The following SULF1 variants were observed in gnomAD, a reference collection of about 807,000 sequenced individuals.
SULF1 encodes extracellular sulfatase Sulf-1.
A neutral mutation model predicts 110.5 loss-of-function variants in SULF1; 46 were observed. That is an observed-to-expected ratio of 0.42 (90% CI 0.33 to 0.53). The LOEUF (loss-of-function observed/expected upper bound fraction) is 0.53. Among genes scored for constraint, SULF1 ranks in the 20% least tolerant of loss-of-function variants. The pLI, the probability that SULF1 is intolerant of heterozygous loss-of-function variation, is 0.12. For missense variants in SULF1, 941 were observed against 1,094.2 expected, an observed-to-expected ratio of 0.86 and a Z score of 1.98; for synonymous variants, 371 against 387.1, an observed-to-expected ratio of 0.96 and a Z score of 0.49.
chr8:69,525,653 G>A (rs905300419), intron 3 of SULF1, among the ~76,000 whole-genome samples: 2 of 152,216 alleles, frequency 1.3e-5, no homozygotes, highest in Non-Finnish European at 2.9e-5. Flanking sequence ...TATGCAGAGT[G>A]GATTTCGTGG....
At chr8:69,603,697 A>G (rs1808012473) in intron 12 of SULF1, 41 bp downstream of exon 12, 3 of 1,347,502 alleles carry the variant, frequency 2.2e-6, no homozygotes, top group African/African-American at 1.4e-5. Context: ...AACCAGTCCT[A>G]GTGGGCAGCT....
chr8:69,565,669 T>A (rs893189949), intron 5 of SULF1, among the ~76,000 whole-genome samples: 30 of 152,196 alleles, frequency 2.0e-4, no homozygotes, highest in African/African-American at 7.0e-4. Context: ...TTGCCAGAGT[T>A]ATCTTTCAAG....
intron 19 of SULF1, among the ~76,000 whole-genome samples, chr8:69,633,771 C>T (rs1271459253): frequency 6.6e-6 from 1 of 151,958 alleles, no homozygotes; most frequent in Admixed American, 6.6e-5. Context: ...CCCATCAACC[C>T]GTCATCTACG....
chr8:69,638,786 G>C lies in SULF1; in HGVS notation c.2479G>C (p.Val827Leu). Residue 827 changes from valine to leucine, a missense_variant, in exon 21 of 23, where the codon GTA (valine) becomes CTA (leucine). Around this residue, in one of 3 missense-constraint regions of SULF1, gnomAD observed 112 missense variants for 133.5 expected, o/e 0.84. Transcript: ENST00000402687. ...ACGAGGCATTTTGAATCAGCTACACGTACAACTAATGGAGCTCAGAAGCTG... is the reference window on the plus strand; with the variant it reads ...ACGAGGCATTTTGAATCAGCTACACCTACAACTAATGGAGCTCAGAAGCTG... ...VERGILNQLH[V>L]QLMELRSCQG... The C allele has an allele frequency of 6.2e-7, 1 of 1,614,066 alleles. No individual in the cohort carries two copies. The highest frequency in any genetic ancestry group is 2.2e-5 in the East Asian group (1 of 44,874).
At chr8:69,643,425 A>AC (rs1811641535) in intron 22 of SULF1, among the ~76,000 whole-genome samples, 1 of 152,230 alleles carries the variant, frequency 6.6e-6, no homozygotes, top group African/African-American at 2.4e-5. Flanking sequence ...AAAAAAAAAA[A>AC]AAACAAGTTT....
intron 22 of SULF1, among the ~76,000 whole-genome samples, chr8:69,652,938 T>C (rs1406672934): frequency 6.6e-6 from 1 of 152,248 alleles, no homozygotes; most frequent in Non-Finnish European, 1.5e-5. Context: ...TTTGCTCAAT[T>C]AAACTCTGTT....
chr8:69,646,113 T>G (rs1811891616), intron 22 of SULF1, among the ~76,000 whole-genome samples: 1 of 151,992 alleles, frequency 6.6e-6, no homozygotes, highest in Non-Finnish European at 1.5e-5. Context: ...GTCACCCTAG[T>G]TACATGCTAC....
chr8:69,555,313 T>C (rs976986943), intron 3 of SULF1, among the ~76,000 whole-genome samples: 1 of 152,146 alleles, frequency 6.6e-6, no homozygotes, highest in Admixed American at 6.5e-5. Flanking sequence ...TGTTTAGCCC[T>C]GCAAAGAAGT....
upstream of SULF1, among the ~76,000 whole-genome samples, chr8:69,492,501 A>G (rs1260621560): frequency 6.6e-6 from 1 of 152,072 alleles, no homozygotes; most frequent in African/African-American, 2.4e-5. Flanking sequence ...TCCAAATACC[A>G]CATCTTCCCA....
At chr8:69,493,453 AC>A in intron 1 of SULF1, among the ~76,000 whole-genome samples, 1 of 22,802 alleles carries the variant, frequency 4.4e-5, no homozygotes, top group East Asian at 3.1e-3. Flanking sequence ...AACACTACAC[AC>A]ACACACACAC....
chr8:69,539,847 A>G (rs1325118687), intron 3 of SULF1, among the ~76,000 whole-genome samples: 4 of 152,166 alleles, frequency 2.6e-5, no homozygotes, highest in Non-Finnish European at 5.9e-5. Flanking sequence ...AGACAGCTGC[A>G]GGTTCATGAG....
At chr8:69,620,962 A>T in intron 13 of SULF1, 73 bp from the exon 14 acceptor site, 1 of 1,331,490 alleles carries the variant, frequency 7.5e-7, no homozygotes. Context: ...AAAGAAAAAA[A>T]CTAAGGCAGC....
intron 22 of SULF1, among the ~76,000 whole-genome samples, chr8:69,656,952 G>A (rs868415652): frequency 6.6e-6 from 1 of 152,160 alleles, no homozygotes; most frequent in Non-Finnish European, 1.5e-5. Context: ...GTGTGAAAGC[G>A]TTCCTACTTC....
chr8:69,629,375 A>G (rs1810344800), intron 18 of SULF1, 129 bp from the exon 19 acceptor site: 1 of 967,006 alleles, frequency 1.0e-6, no homozygotes, highest in Non-Finnish European at 1.5e-6. Flanking sequence ...CCCTCTATAC[A>G]AAATGAAGGT....
In SULF1 at chr8:69,587,343, A is replaced by G. The variant is rs115650926; in HGVS notation, c.564+835A>G. Among the ~76,000 whole-genome samples the G allele has an allele frequency of 3.3e-3, 502 of 152,284 alleles. 3 individuals are homozygous for G. Among genetic ancestry groups the G allele is most frequent in the African/African-American group, 0.012 (487 of 41,552 alleles). ...GCAACCTCTCCCAACAGGCTAGATCACTTGGTAGAAATCGGAAGGAGAGAA... is the reference window on the plus strand; with the variant it reads ...GCAACCTCTCCCAACAGGCTAGATCGCTTGGTAGAAATCGGAAGGAGAGAA... On this transcript the variant is annotated intron_variant, in intron 7 of 22. Transcript: ENST00000402687.
Position 69,628,160 on chromosome 8 carries a change from C to T in SULF1, c.2043-11C>T. The T allele has an allele frequency of 6.2e-7, 1 of 1,610,222 alleles. No homozygotes were observed. The highest frequency in any genetic ancestry group is 8.5e-7 in the Non-Finnish European group (1 of 1,176,662). ...CTATGAAGTCTCACTTTTTAATCTT[C>T]TCTCCTGCAGCTATTACAATAAAGA... On this transcript the variant is annotated splice_polypyrimidine_tract_variant and intron_variant, in intron 17 of 22. Transcript: ENST00000402687.
chr8:69,600,872 A>G (rs569434251), intron 9 of SULF1, 119 bp downstream of exon 9: 5 of 1,156,434 alleles, frequency 4.3e-6, no homozygotes, highest in African/African-American at 3.1e-5. Context: ...TTTGAGAGAG[A>G]AAGAAAGAGA....
At chr8:69,634,401 C>T (rs563947203) in intron 19 of SULF1, among the ~76,000 whole-genome samples, 1 of 152,246 alleles carries the variant, frequency 6.6e-6, no homozygotes, top group African/African-American at 2.4e-5. Context: ...ACATATTTTA[C>T]TTAAAGGGTG....
At chr8:69,537,995 C>G (rs1005471447) in intron 3 of SULF1, among the ~76,000 whole-genome samples, 1 of 148,638 alleles carries the variant, frequency 6.7e-6, no homozygotes, top group Non-Finnish European at 1.5e-5. Context: ...GAGTCTCGCT[C>G]TTTCACCCAG....
Sources: allele counts gnomAD v4.1 joint callset (sites outside exome capture counted in the v4.1 genomes callset), GRCh38; gene constraint gnomAD v4.1.1; regional missense constraint gnomAD v4.1.1; transcripts MANE v1.5; gene names NCBI Gene and HGNC (gene_info 2026-07-23, HGNC 2026-07-21).